TNRC6B: variants seen among roughly 807,000 people sequenced by gnomAD.
TNRC6B encodes the protein trinucleotide repeat-containing gene 6B protein.
In TNRC6B, 52 loss-of-function variants were observed where a neutral mutation model predicts 203.6. That is an observed-to-expected ratio of 0.26 (90% CI 0.20 to 0.32). TNRC6B has a LOEUF of 0.32. Among genes scored for constraint, TNRC6B ranks in the 10% least tolerant of loss-of-function variants. TNRC6B has a pLI of 1.00. For synonymous variants in TNRC6B, 838 were observed against 845.7 expected (o/e 0.99, Z 0.16); for missense variants, 1,923 against 2,286.2 (o/e 0.84, Z 3.24).
Position 40,134,506 on chromosome 22 carries a change from C to T in TNRC6B, c.45+8644C>T, listed in dbSNP as rs150389476. On this transcript the variant is annotated intron_variant, in intron 3 of 23. Transcript: ENST00000301923. ...GTAATGTGGTATTCTGGATGGGATC[C>T]TGGAACATTAGGTAAAAACTAAGCA... Among the ~76,000 whole-genome samples, 404 of 152,256 alleles carry T rather than the reference C, an allele frequency of 2.7e-3. 3 individuals are homozygous for T. Among genetic ancestry groups the T allele is most frequent in the African/African-American group, 9.4e-3 (391 of 41,540 alleles).
chr22:40,109,951 T>A (rs1161585402), intron 1 of TNRC6B, among the ~76,000 whole-genome samples: 1 of 152,222 alleles, frequency 6.6e-6, no homozygotes, highest in Non-Finnish European at 1.5e-5. Context: ...CATAAACAAT[T>A]GTTAATGATT....
intron 1 of TNRC6B, among the ~76,000 whole-genome samples, chr22:40,229,176 A>G (rs1325060752): frequency 2.0e-5 from 3 of 152,216 alleles, no homozygotes; most frequent in African/African-American, 7.2e-5. Context: ...AAACAATGAG[A>G]TGTAAAGGTA....
chr22:40,109,866 A>G (rs1279859833), intron 1 of TNRC6B, among the ~76,000 whole-genome samples: 1 of 152,220 alleles, frequency 6.6e-6, no homozygotes, highest in African/African-American at 2.4e-5. Context: ...TATTTAGTGT[A>G]AGGCCCCTGA....
intron 3 of TNRC6B, among the ~76,000 whole-genome samples, chr22:40,132,952 A>AAAAT (rs1568992954): frequency 7.3e-5 from 7 of 96,176 alleles, no homozygotes; most frequent in African/African-American, 3.2e-4. Context: ...TCAAAAAAAA[A>AAAAT]AAAAAAAAAA....
At chr22:40,195,562 C>T (rs933450688) in intron 1 of TNRC6B, among the ~76,000 whole-genome samples, 2 of 151,316 alleles carry the variant, frequency 1.3e-5, no homozygotes, top group Non-Finnish European at 2.9e-5. Flanking sequence ...TGGAGCCAAA[C>T]AATACTCCTG....
chr22:40,324,894 T>C lies in TNRC6B; in HGVS notation c.*1653T>C, dbSNP rs1159730197. 2.0e-5 allele frequency: 3 copies of C among 152,586 alleles called. No homozygotes were observed. The highest frequency in any genetic ancestry group is 3.9e-4 in the East Asian group (2 of 5,176). 9.5% of individuals were successfully genotyped at this position (152,586 alleles called of 1,614,324 possible). ...TTTTTTTTAAGCATCAATGTAGTAG[T>C]ACTCTGGGCCGAACAGGGGTCAACG... is the stretch of plus-strand genomic sequence containing the variant. On this transcript the variant is annotated 3_prime_UTR_variant, in exon 23 of 23. Transcript: ENST00000454349.
chr22:40,106,358 C>T, intron 1 of TNRC6B: 1 of 1,172,594 alleles, frequency 8.5e-7, no homozygotes, highest in Admixed American at 1.8e-5. Context: ...TCTGGTCCTT[C>T]TTGTTGCCAG....
At chr22:40,121,202 TCTTC>T (rs934547991) in intron 2 of TNRC6B, among the ~76,000 whole-genome samples, 6 of 151,866 alleles carry the variant, frequency 4.0e-5, no homozygotes, top group African/African-American at 1.5e-4. Context: ...GTTATGCCAG[TCTTC>T]CTTCCTCCTT....
intron 2 of TNRC6B, among the ~76,000 whole-genome samples, chr22:40,120,723 A>G (rs533607730): frequency 2.0e-5 from 3 of 152,344 alleles, no homozygotes; most frequent in East Asian, 1.9e-4. Context: ...GAGACTTAGC[A>G]CAAAGGAGTA....
chr22:40,097,453 G>T (rs1246023913), intron 1 of TNRC6B, among the ~76,000 whole-genome samples: 2 of 151,974 alleles, frequency 1.3e-5, no homozygotes, highest in African/African-American at 4.8e-5. Context: ...CTACACGTGG[G>T]TGCCACCACA....
intron 3 of TNRC6B, 126 bp from the exon 4 acceptor site, chr22:40,261,706 C>CATT: frequency 4.7e-6 from 4 of 857,550 alleles, no homozygotes; most frequent in Admixed American, 7.2e-5. Flanking sequence ...AGCCCGAGTT[C>CATT]AAGACCAGCA....
At chr22:40,210,697 T>A (rs930544949) in intron 1 of TNRC6B, among the ~76,000 whole-genome samples, 1 of 152,238 alleles carries the variant, frequency 6.6e-6, no homozygotes, top group Non-Finnish European at 1.5e-5. Context: ...AACATATTGT[T>A]GGTAGCAAAC....
chr22:40,131,599 T>A (rs1161322174), intron 3 of TNRC6B, among the ~76,000 whole-genome samples: 1 of 152,302 alleles, frequency 6.6e-6, no homozygotes, highest in South Asian at 2.1e-4. Context: ...AGGAACTGTG[T>A]TGGGTGTTGA....
intron 1 of TNRC6B, among the ~76,000 whole-genome samples, chr22:40,097,286 G>A (rs539963457): frequency 5.2e-4 from 78 of 149,444 alleles, no homozygotes; most frequent in African/African-American, 1.9e-3. Flanking sequence ...CCTCAGGTGT[G>A]TCCTTTTTTT....
chr22:40,053,916 C>T (rs567912344), intron 1 of TNRC6B, among the ~76,000 whole-genome samples: 1 of 152,054 alleles, frequency 6.6e-6, no homozygotes, highest in Admixed American at 6.5e-5. Flanking sequence ...ATATTTCTCC[C>T]CTACTTAAAA....
rs369214951 is a variant in TNRC6B at position 40,078,556 on chromosome 22, A to AT, written c.-121+33560dup. On this transcript the variant is annotated intron_variant, in intron 1 of 23. Coordinates refer to the TNRC6B transcript ENST00000301923. Reference sequence around the variant, plus strand: ...ATTATTTATGATTAATCACCAATTAATTACTACTGAGAAGCAGTATCTACT... The same window carrying AT: ...ATTATTTATGATTAATCACCAATTAATTTACTACTGAGAAGCAGTATCTACT... 5.0e-3 allele frequency among the ~76,000 whole-genome samples: 764 copies of AT among 152,168 alleles called. 5 individuals are homozygous for AT. The highest frequency in any genetic ancestry group is 0.018 in the African/African-American group (732 of 41,510).
chr22:40,090,398 ATTG>A (rs1299350842), intron 1 of TNRC6B, among the ~76,000 whole-genome samples: 6 of 124,236 alleles, frequency 4.8e-5, no homozygotes, highest in African/African-American at 2.1e-4. Flanking sequence ...GTGGCATCTC[ATTG>A]TTTTTTTTTT....
chr22:40,269,061 A>G lies in TNRC6B; in HGVS notation c.2807-1061A>G, dbSNP rs1448091730. ...TACTGTTCTTCACCTTGCTTTTCTCATTATACTTATAGCTTCCAATTTTAG... is the reference window on the plus strand; with the variant it reads ...TACTGTTCTTCACCTTGCTTTTCTCGTTATACTTATAGCTTCCAATTTTAG... On this transcript the variant is annotated intron_variant, in intron 5 of 22. Transcript: ENST00000454349. 2.7e-5 allele frequency among the ~76,000 whole-genome samples: 4 copies of G among 147,946 alleles called. No individual in the cohort carries two copies. The East Asian group carries it at 7.8e-4, about 29-fold the overall frequency.
At chr22:40,114,192 TACC>T (rs1394555293) in intron 1 of TNRC6B, among the ~76,000 whole-genome samples, 27 of 152,208 alleles carry the variant, frequency 1.8e-4, no homozygotes, top group Non-Finnish European at 7.3e-5. Flanking sequence ...ACTAGTAAGA[TACC>T]AGCAAAATAA....
Sources: allele counts gnomAD v4.1 joint callset (sites outside exome capture counted in the v4.1 genomes callset), GRCh38; gene constraint gnomAD v4.1.1; transcripts MANE v1.5; gene names NCBI Gene and HGNC (gene_info 2026-07-23, HGNC 2026-07-21).